The following GNAL variants were observed in gnomAD, a reference collection of about 807,000 sequenced individuals.
GNAL encodes G protein subunit alpha L.
A neutral mutation model predicts 55.1 loss-of-function variants in GNAL; 18 were observed. The ratio of observed to expected loss-of-function variants is 0.33; its 90% CI spans 0.23 to 0.48. GNAL has a LOEUF of 0.48. GNAL is among the 20% of genes least tolerant of loss of function. The probability of loss-of-function intolerance (pLI) is 0.99; values close to 1 mark genes in which losing one functional copy is unlikely to be tolerated. For missense variants in GNAL, 412 were observed against 614.1 expected, an observed-to-expected ratio of 0.67 and a Z score of 3.48; for synonymous variants, 253 against 237.0, an observed-to-expected ratio of 1.07 and a Z score of -0.62.
At chr18:11,796,861 T>C (rs2034403441) in intron 4 of GNAL, among the ~76,000 whole-genome samples, 1 of 152,160 alleles carries the variant, frequency 6.6e-6, no homozygotes, top group African/African-American at 2.4e-5. Flanking sequence ...TTTCCTAATG[T>C]AGTCATTTAA....
chr18:11,775,546 T>TC (rs979071194), intron 4 of GNAL, among the ~76,000 whole-genome samples: 2 of 152,222 alleles, frequency 1.3e-5, no homozygotes, highest in Non-Finnish European at 2.9e-5. Context: ...AGCCACAATG[T>TC]CTAAGCCCTA....
intron 4 of GNAL, among the ~76,000 whole-genome samples, chr18:11,816,175 G>A (rs1341173531): frequency 2.0e-5 from 3 of 152,126 alleles, no homozygotes; most frequent in Non-Finnish European, 4.4e-5. Flanking sequence ...AATAGTCCTA[G>A]TAGCACTATT....
At chr18:11,827,827 C>T (rs1211986193) in intron 5 of GNAL, among the ~76,000 whole-genome samples, 1 of 151,794 alleles carries the variant, frequency 6.6e-6, no homozygotes, top group Non-Finnish European at 1.5e-5. Context: ...AAAAATTAGC[C>T]GGGCGTGGTG....
At position 11,868,273 on chromosome 18, in the gene GNAL, C is replaced by CT. The variant is rs2036311092; in HGVS notation, c.911-269dup. 6.6e-6 allele frequency among the ~76,000 whole-genome samples: 1 copy of CT among 151,932 alleles called. No individual in the cohort carries two copies. The highest frequency in any genetic ancestry group is 6.6e-5 in the Admixed American group (1 of 15,246). On this transcript the variant is annotated intron_variant, in intron 8 of 11. Coordinates refer to ENST00000334049, the MANE Select transcript of GNAL (RefSeq NM_182978.4). This position sits in a 1 kb window ranked among gnomAD's most constrained non-coding sequence, Gnocchi z 4.0. ...CAAGATCATGCCATTGCACTCCAGC[C>CT]TGGGAGACAAGAGTGAAACTCCATC...
intron 1 of GNAL, among the ~76,000 whole-genome samples, chr18:11,716,483 C>A (rs543931092): frequency 6.6e-6 from 1 of 152,170 alleles, no homozygotes; most frequent in South Asian, 2.1e-4. Context: ...TGGAAGGGGA[C>A]GGGAGCAGGT....
At chr18:11,776,941 G>A (rs978595574) in intron 4 of GNAL, among the ~76,000 whole-genome samples, 3 of 151,930 alleles carry the variant, frequency 2.0e-5, no homozygotes, top group African/African-American at 7.3e-5. Context: ...AGAATGCAAC[G>A]AAAAAAATCA....
chr18:11,777,865 C>G (rs2033826121), intron 4 of GNAL, among the ~76,000 whole-genome samples: 1 of 152,188 alleles, frequency 6.6e-6, no homozygotes, highest in African/African-American at 2.4e-5. Flanking sequence ...GCATCCCTGT[C>G]TTACAGACTA....
chr18:11,775,377 C>T (rs1260442791), intron 4 of GNAL, among the ~76,000 whole-genome samples: 1 of 152,224 alleles, frequency 6.6e-6, no homozygotes, highest in Non-Finnish European at 1.5e-5. Context: ...GTAGTACTTA[C>T]TCCTCTGAGA....
chr18:11,728,493 G>T (rs185301565), intron 1 of GNAL, among the ~76,000 whole-genome samples: 34 of 152,256 alleles, frequency 2.2e-4, no homozygotes, highest in African/African-American at 8.2e-4. Flanking sequence ...CCTTCATCAA[G>T]TCTCAGCAGC....
At chr18:11,825,459 G>A (rs1647559) in intron 5 of GNAL, among the ~76,000 whole-genome samples, 103,861 of 151,950 alleles carry the variant, frequency 0.68, 37,538 homozygotes, top group Admixed American at 0.81. Flanking sequence ...GGCTGGGCCC[G>A]ATGGCTCACA....
chr18:11,875,963 T>C (rs2036522399), intron 10 of GNAL, among the ~76,000 whole-genome samples: 1 of 134,794 alleles, frequency 7.4e-6, no homozygotes, highest in African/African-American at 2.5e-5. Flanking sequence ...GTGAGGGGTC[T>C]CTCTCAGGCC....
chr18:11,837,348 G>A (rs1027127217), intron 5 of GNAL, among the ~76,000 whole-genome samples: 5 of 151,892 alleles, frequency 3.3e-5, no homozygotes, highest in Non-Finnish European at 5.9e-5. Flanking sequence ...TCATAGAAGG[G>A]GGAAAATGTT....
Position 11,884,047 on chromosome 18 carries a change from C to T in GNAL, c.*2912C>T. The stretch of plus-strand genomic sequence containing the variant: ...GTACATAGGAATTTGAGAACCACTT[C>T]ACAGGAAGAGGGAAACAGCCCAATA... On this transcript the variant is annotated 3_prime_UTR_variant, in exon 12 of 12. Coordinates refer to ENST00000334049, the MANE Select transcript of GNAL (RefSeq NM_182978.4). 1 of 175,382 alleles carries T rather than the reference C, an allele frequency of 5.7e-6. No individual in the cohort carries two copies. Among genetic ancestry groups the T allele is most frequent in the East Asian group, 1.5e-4 (1 of 6,594 alleles). 10.9% of individuals were successfully genotyped at this position (175,382 alleles called of 1,614,324 possible).
chr18:11,785,899 T>G (rs968535972), intron 4 of GNAL, among the ~76,000 whole-genome samples: 9 of 152,184 alleles, frequency 5.9e-5, no homozygotes, highest in Non-Finnish European at 1.2e-4. Context: ...CCCTGGCAAG[T>G]GAAAGACATT....
intron 1 of GNAL, among the ~76,000 whole-genome samples, chr18:11,697,567 A>AG (rs1301849568): frequency 1.3e-5 from 2 of 151,894 alleles, no homozygotes; most frequent in Non-Finnish European, 1.5e-5. Flanking sequence ...CAGAAAAAAA[A>AG]AAGAGAGAGA....
chr18:11,885,611 G>T lies in GNAL; in HGVS notation c.*4476G>T. 1 of 1,548,418 alleles carries T rather than the reference G, an allele frequency of 6.5e-7. No individual in the cohort carries two copies. Among genetic ancestry groups the T allele is most frequent in the Non-Finnish European group, 8.8e-7 (1 of 1,135,512 alleles). ...TTTGACCGATTGCAGCAATTAAATA[G>T]TTGATTACTGTGTTGATTTAAATAC... On this transcript the variant is annotated 3_prime_UTR_variant, in exon 12 of 12. Transcript: ENST00000334049.
chr18:11,823,475 A>T (rs1204602280), intron 4 of GNAL, among the ~76,000 whole-genome samples: 1 of 152,206 alleles, frequency 6.6e-6, no homozygotes. Context: ...ACGCTAATAA[A>T]GCCTACACTC....
intron 5 of GNAL, among the ~76,000 whole-genome samples, chr18:11,840,875 CTTTT>C (rs112505457): frequency 1.5e-5 from 2 of 137,018 alleles, no homozygotes; most frequent in Non-Finnish European, 3.2e-5. Context: ...TTTTTCTTTT[CTTTT>C]TTTTTTTTTT....
At chr18:11,836,848 A>G (rs576413886) in intron 5 of GNAL, among the ~76,000 whole-genome samples, 31 of 152,366 alleles carry the variant, frequency 2.0e-4, no homozygotes, top group African/African-American at 7.2e-4. Context: ...TATGCATTTG[A>G]AGGAGATTGC....
Sources: gnomAD v4.1 joint callset for allele counts (sites outside exome capture counted in the v4.1 genomes callset) on GRCh38, gnomAD v4.1.1 for gene constraint, Gnocchi (gnomAD v3.1) non-coding constraint, MANE v1.5 for transcripts, NCBI Gene and HGNC (gene_info 2026-07-23, HGNC 2026-07-21) for gene names.